NYAP2: variants seen among roughly 807,000 people sequenced by gnomAD.
The protein encoded by NYAP2 is neuronal tyrosine-phosphorylated phosphoinositide-3-kinase adaptor 2.
A neutral mutation model predicts 50.4 loss-of-function variants in NYAP2; 23 were observed. That is an observed-to-expected ratio of 0.46 (90% confidence interval 0.33 to 0.65). The LOEUF is 0.65. Among genes scored for constraint, NYAP2 ranks in the 30% least tolerant of loss-of-function variants. The pLI is 0.02. For missense variants in NYAP2, 885 were observed against 861.0 expected (o/e 1.03, Z -0.35); for synonymous variants, 394 against 365.2 (o/e 1.08, Z -0.90).
intron 5 of NYAP2, 106 bp downstream of exon 5, chr2:225,583,141 C>A: frequency 1.5e-6 from 2 of 1,319,114 alleles, no homozygotes; most frequent in Non-Finnish European, 2.0e-6. Flanking sequence ...GTCTTGAGGC[C>A]TTGGAGTTGA....
intron 2 of NYAP2, among the ~76,000 whole-genome samples, chr2:225,406,357 G>A (rs1166605819): frequency 3.3e-5 from 5 of 151,898 alleles, no homozygotes; most frequent in African/African-American, 4.8e-5. Context: ...AGACTAACAC[G>A]ACTGTTGAAA....
At chr2:225,547,134 G>T (rs1203584860) in intron 4 of NYAP2, among the ~76,000 whole-genome samples, 1 of 152,080 alleles carries the variant, frequency 6.6e-6, no homozygotes, top group East Asian at 1.9e-4. Context: ...TTTTGTTGCC[G>T]TAAGCTGCAC....
chr2:225,557,563 A>C (rs1213305062), intron 4 of NYAP2, among the ~76,000 whole-genome samples: 1 of 152,170 alleles, frequency 6.6e-6, no homozygotes, highest in African/African-American at 2.4e-5. Flanking sequence ...AATAAATGGA[A>C]ATAGGGAAAT....
intron 3 of NYAP2, among the ~76,000 whole-genome samples, chr2:225,432,286 G>T (rs898131037): frequency 6.6e-6 from 1 of 150,716 alleles, no homozygotes; most frequent in Admixed American, 6.6e-5. Context: ...GTGAGCCACC[G>T]TACCCGGCCA....
chr2:225,650,333 C>T (rs1315176925), intron 6 of NYAP2, among the ~76,000 whole-genome samples: 1 of 152,160 alleles, frequency 6.6e-6, no homozygotes. Flanking sequence ...TCTTTTCTTC[C>T]AACGGAATTG....
At chr2:225,656,407 T>C (rs556250259), downstream of NYAP2, among the ~76,000 whole-genome samples, 1 of 152,258 alleles carries the variant, frequency 6.6e-6, no homozygotes, top group Admixed American at 6.5e-5. Context: ...ACTTAGCAAA[T>C]GCTTATTCCT....
intron 2 of NYAP2, among the ~76,000 whole-genome samples, chr2:225,407,778 T>A (rs954605252): frequency 2.6e-5 from 4 of 151,996 alleles, no homozygotes; most frequent in African/African-American, 7.2e-5. Flanking sequence ...TTTGGTTTTT[T>A]AATCTGACTC....
upstream of NYAP2, among the ~76,000 whole-genome samples, chr2:225,398,698 C>T (rs544578957): frequency 2.3e-3 from 344 of 152,066 alleles, no homozygotes; most frequent in Non-Finnish European, 3.9e-3. Context: ...GGTCTGGCCT[C>T]TTCTCTTCCC....
chr2:225,614,831 T>C (rs1489881855), intron 5 of NYAP2, among the ~76,000 whole-genome samples: 4 of 152,224 alleles, frequency 2.6e-5, no homozygotes, highest in African/African-American at 9.6e-5. Flanking sequence ...CCAACTGCTA[T>C]TGCAAACAAT....
chr2:225,496,915 AT>A (rs552770034), intron 3 of NYAP2, among the ~76,000 whole-genome samples: 303 of 148,920 alleles, frequency 2.0e-3, no homozygotes, highest in African/African-American at 5.1e-3. Context: ...GTAATGGAGA[AT>A]TTTTTTTTTT....
intron 4 of NYAP2, among the ~76,000 whole-genome samples, chr2:225,544,170 G>A (rs1020803540): frequency 1.3e-5 from 2 of 149,942 alleles, no homozygotes; most frequent in South Asian, 4.2e-4. Context: ...TTCAGTCTAT[G>A]TGTATCTTTA....
chr2:225,661,912 C>A, the NYAP2 span, among the ~76,000 whole-genome samples: 1 of 152,056 alleles, frequency 6.6e-6, no homozygotes, highest in East Asian at 1.9e-4. Context: ...TTAATACACA[C>A]AGGGTTTCAC....
Position 225,651,363 on chromosome 2 carries a change from A to G in NYAP2, c.1829-69A>G. 1.9e-6 allele frequency: 3 copies of G among 1,593,270 alleles called. No homozygotes were observed. In the South Asian group the frequency reaches 3.3e-5, roughly 18 times the overall value. On this transcript the variant is annotated intron_variant, in intron 6 of 6. Coordinates refer to ENST00000636099, the Ensembl canonical transcript of NYAP2. The stretch of plus-strand genomic sequence containing the variant: ...AATAAGTAGCGAAACAAACAGAAAG[A>G]CTGAAAAGCCACTTCATTATTCCAG...
chr2:225,483,841 T>C (rs985042037), intron 3 of NYAP2, among the ~76,000 whole-genome samples: 1 of 152,222 alleles, frequency 6.6e-6, no homozygotes, highest in African/African-American at 2.4e-5. Context: ...GAAAAGTGTC[T>C]TTTAAATTAT....
At chr2:225,643,598 C>G (rs1168830579) in intron 6 of NYAP2, among the ~76,000 whole-genome samples, 2 of 144,766 alleles carry the variant, frequency 1.4e-5, no homozygotes, top group East Asian at 4.2e-4. Flanking sequence ...TCCCCCCTCC[C>G]CCACCCCACA....
At chr2:225,424,049 G>C (rs2106128688) in intron 3 of NYAP2, among the ~76,000 whole-genome samples, 1 of 152,226 alleles carries the variant, frequency 6.6e-6, no homozygotes, top group East Asian at 1.9e-4. Context: ...ATGAATTCAA[G>C]ATTGAGACTG....
intron 6 of NYAP2, among the ~76,000 whole-genome samples, chr2:225,650,114 T>C (rs1693705213): frequency 6.6e-6 from 1 of 152,148 alleles, no homozygotes; most frequent in Admixed American, 6.6e-5. Flanking sequence ...AGTCTGTGTG[T>C]AAGTAGGCGT....
At chr2:225,527,660 T>C (rs1388957246) in intron 4 of NYAP2, among the ~76,000 whole-genome samples, 1 of 152,104 alleles carries the variant, frequency 6.6e-6, no homozygotes, top group Non-Finnish European at 1.5e-5. Flanking sequence ...TTATTATTAT[T>C]CTGTGACAGG....
chr2:225,658,598 G>C (rs1693863290), downstream of NYAP2, among the ~76,000 whole-genome samples: 1 of 152,132 alleles, frequency 6.6e-6, no homozygotes, highest in African/African-American at 2.4e-5. Context: ...AACAATGCAA[G>C]TGCAAAAAAT....
Sources: gnomAD v4.1 joint callset for allele counts (sites outside exome capture counted in the v4.1 genomes callset) on GRCh38, gnomAD v4.1.1 for gene constraint, MANE v1.5 for transcripts, NCBI Gene and HGNC (gene_info 2026-07-23, HGNC 2026-07-21) for gene names.